CELSR2: variants seen among roughly 807,000 people sequenced by gnomAD.
The protein encoded by CELSR2 is cadherin EGF LAG seven-pass G-type receptor 2.
CELSR2 carries 81 observed loss-of-function variants against 251.6 expected under a neutral mutation model. That is an observed-to-expected ratio of 0.32 (90% confidence interval 0.27 to 0.39). CELSR2 has a LOEUF of 0.39. Ranked by LOEUF, CELSR2 falls within the 10% of genes least tolerant of loss-of-function variation. The pLI is 1.00. For missense variants in CELSR2, 3,365 were observed against 3,947.7 expected (o/e 0.85, Z 3.96); for synonymous variants, 1,721 against 1,670.5 (o/e 1.03, Z -0.74).
rs745822210 is a variant in CELSR2, at chr1:109,264,936, C to T, written c.5533C>T (p.Arg1845Cys). The part of the protein sequence containing the change: ...NPCEHQSVCT[R>C]KPSAPHGYTC... ...GTGTGAGCACCAGTCTGTGTGTACC[C>T]GCAAGCCCAGTGCCCCCCATGGCTA... Residue 1845 changes from arginine to cysteine, a missense_variant, in exon 12 of 34, where the codon CGC becomes TGC. Around this residue, in one of 5 missense-constraint regions of CELSR2, gnomAD observed 2,093 missense variants for 2,382.8 expected, o/e 0.88. Transcript: ENST00000271332. 7 of 1,614,150 alleles carry T rather than the reference C, an allele frequency of 4.3e-6. No individual in the cohort carries two copies. The East Asian group carries it at 1.1e-4, about 26-fold the overall frequency.
Position 109,270,045 on chromosome 1 carries a change from A to G in CELSR2, c.7220A>G (p.Asn2407Ser), listed in dbSNP as rs1444571238. 5.6e-6 allele frequency: 9 copies of G among 1,613,528 alleles called. No individual in the cohort carries two copies. The highest frequency in any genetic ancestry group is 3.3e-4 in the Middle Eastern group (2 of 6,080). Residue 2407 changes from asparagine to serine, a missense_variant, in exon 23 of 34, where the codon AAC becomes AGC. Coordinates refer to ENST00000271332, the MANE Select transcript of CELSR2 (RefSeq NM_001408.3). Reference sequence around the variant, plus strand: ...ACTCTCTTGCGTATCCTGCGCTCCAACCAACACGGCATCCGACGTAACCTG... The same window carrying G: ...ACTCTCTTGCGTATCCTGCGCTCCAGCCAACACGGCATCCGACGTAACCTG... ...FLTLLRILRS[N>S]QHGIRRNLTA...
rs143134819 is a variant in CELSR2 at position 109,270,991 on chromosome 1, T to C, written c.7548T>C (p.Tyr2516=). The C allele has an allele frequency of 6.1e-5, 99 of 1,613,658 alleles. No homozygotes were observed. In the African/African-American group the frequency reaches 1.3e-3, roughly 21 times the overall value. The change falls in exon 25 of 34, where the codon TAT becomes TAC. Residue 2516 remains tyrosine, a synonymous_variant. Coordinates refer to ENST00000271332, the MANE Select transcript of CELSR2 (RefSeq NM_001408.3). ...CTGACTTCTGCTGGCTCTCCATCTA[T>C]GACACGCTCATCTGGAGTTTTGCTG... ...GNPDFCWLSI[Y]DTLIWSFAGP...
intron 1 of CELSR2, among the ~76,000 whole-genome samples, chr1:109,254,343 T>C (rs1655786736): frequency 6.6e-6 from 1 of 152,184 alleles, no homozygotes; most frequent in Non-Finnish European, 1.5e-5. Context: ...GAACCCAGGC[T>C]GGGGCATTCC....
In CELSR2 at chr1:109,251,273, G is replaced by A. The variant is rs1012205619; in HGVS notation, c.1194G>A (p.Gln398=). 1 of 1,614,158 alleles carries A rather than the reference G, an allele frequency of 6.2e-7. No individual in the cohort carries two copies. The highest frequency in any genetic ancestry group is 8.5e-7 in the Non-Finnish European group (1 of 1,180,024). Reference sequence around the variant, plus strand: ...AGGATGACAATGATAATGCCCCCCAGTTTAGTGAGAAGCGCTATGTGGTCC... The same window carrying A: ...AGGATGACAATGATAATGCCCCCCAATTTAGTGAGAAGCGCTATGTGGTCC... The part of the protein sequence containing the change: ...SVEDDNDNAP[Q]FSEKRYVVQV... Residue 398 remains glutamine, a synonymous_variant, in exon 1 of 34, where the codon CAG becomes CAA. Transcript: ENST00000271332. The surrounding 1 kb of genome is among the most constrained non-coding windows in gnomAD (Gnocchi z 4.9).
At chr1:109,254,204 C>T (rs1007106383) in intron 1 of CELSR2, among the ~76,000 whole-genome samples, 11 of 152,224 alleles carry the variant, frequency 7.2e-5, no homozygotes, top group African/African-American at 2.7e-4. Flanking sequence ...TAGCTGTGAC[C>T]AGCCCAAGCT....
In CELSR2 at chr1:109,271,051, C is replaced by T. The variant is rs1656356649; in HGVS notation, c.7596+12C>T. The T allele has an allele frequency of 6.2e-7, 1 of 1,606,612 alleles. No homozygotes were observed. Among genetic ancestry groups the T allele is most frequent in the Admixed American group, 1.7e-5 (1 of 59,892 alleles). ...CCTTTGCCGTCTCGGTGAGTGCTAG[C>T]AGGTGGGTTGGGTGTCACCTGTGGC... On this transcript the variant is annotated intron_variant, in intron 25 of 33. Coordinates refer to ENST00000271332, the MANE Select transcript of CELSR2 (RefSeq NM_001408.3).
rs549825851 is a variant in CELSR2 at position 109,249,551 on chromosome 1, C to G, written c.-529C>G. Among the ~76,000 whole-genome samples the G allele has an allele frequency of 6.6e-6, 1 of 150,514 alleles. No individual in the cohort carries two copies. Among genetic ancestry groups the G allele is most frequent in the Non-Finnish European group, 1.5e-5 (1 of 67,526 alleles). ...CCGCCGCGACTCTGCAGAGCTCGCC[C>G]GCCCGCCGGGGAGGCGAGGGAGCGC... On this transcript the variant is annotated 5_prime_UTR_variant, in exon 1 of 34. Coordinates refer to ENST00000271332, the MANE Select transcript of CELSR2 (RefSeq NM_001408.3).
Position 109,273,437 on chromosome 1 carries a change from C to T in CELSR2, c.8511C>T (p.Gly2837=). The change falls in exon 33 of 34, where the codon GGC becomes GGT. Residue 2837 remains glycine, a splice_region_variant and synonymous_variant. Transcript: ENST00000271332. ...LPGSSAQPHK[G]ILKKKCLPTI... ...TCACAGCCCCGCCCCGGCCCACAGGCATCCTTAAGAAGAAGTGTCTGCCCA... is the reference window on the plus strand; with the variant it reads ...TCACAGCCCCGCCCCGGCCCACAGGTATCCTTAAGAAGAAGTGTCTGCCCA... 1 of 1,611,424 alleles carries T rather than the reference C, an allele frequency of 6.2e-7. No individual in the cohort carries two copies. Among genetic ancestry groups the T allele is most frequent in the Middle Eastern group, 1.6e-4 (1 of 6,062 alleles).
Position 109,272,269 on chromosome 1 carries a change from C to T in CELSR2, c.7927-9C>T, listed in dbSNP as rs372840765. 11 of 1,573,698 alleles carry T rather than the reference C, an allele frequency of 7.0e-6. No homozygotes were observed. The highest frequency in any genetic ancestry group is 1.4e-5 in the African/African-American group (1 of 73,782). On this transcript the variant is annotated splice_polypyrimidine_tract_variant and intron_variant, in intron 28 of 33. Transcript: ENST00000271332. ...TCCCCACTTACTGACCTCTCTGTTC[C>T]CTGCCTAGTCCTACAACTGCCCCAG...
intron 1 of CELSR2, among the ~76,000 whole-genome samples, chr1:109,257,344 G>C (rs1198407142): frequency 7.3e-6 from 1 of 136,730 alleles, no homozygotes; most frequent in Non-Finnish European, 1.5e-5. Flanking sequence ...CAGAGAGTCT[G>C]TCTCTTAAAA....
chr1:109,263,805 G>C, intron 9 of CELSR2, 28 bp downstream of exon 9: 2 of 1,606,802 alleles, frequency 1.2e-6, no homozygotes, highest in Non-Finnish European at 1.7e-6. Context: ...GGCTGGCCCT[G>C]GCCTGGCCAT....
At position 109,262,909 on chromosome 1, in the gene CELSR2, C is replaced by T; in HGVS notation, c.4648C>T (p.Gln1550Ter). ...GTTCGTGGGCTGCATGCGGAACCTG[C>T]AGGTGGACAGCCGGCACATAGACAT... ...RQFVGCMRNLQVDSRHIDMAD... is the reference protein window; with the variant it reads ...RQFVGCMRNL The change falls in exon 7 of 34, where the codon CAG becomes TAG. Residue 1550 changes from glutamine to a stop codon, truncating the protein, a stop_gained. Coordinates refer to ENST00000271332, the MANE Select transcript of CELSR2 (RefSeq NM_001408.3). LOFTEE classifies it high-confidence loss of function. 1 of 1,613,830 alleles carries T rather than the reference C, an allele frequency of 6.2e-7. No homozygotes were observed. The highest frequency in any genetic ancestry group is 8.5e-7 in the Non-Finnish European group (1 of 1,180,002).
chr1:109,268,647 C>G lies in CELSR2; in HGVS notation c.6385C>G (p.Gln2129Glu). Residue 2129 changes from glutamine (Q) to glutamate (E), a missense_variant, in exon 18 of 34, where the codon CAG becomes GAG. Physicochemically the swap from Gln to Glu is conservative, Grantham distance 29. Around this residue, in one of 5 missense-constraint regions of CELSR2, gnomAD observed 2,093 missense variants for 2,382.8 expected, o/e 0.88. Coordinates refer to ENST00000271332, the MANE Select transcript of CELSR2 (RefSeq NM_001408.3). ...ANKRHWELIQ[Q>E]TEGGTAWLLQ... ...CAAGCGGCACTGGGAGCTGATCCAG[C>G]AGACAGAGGGTGGCACCGCCTGGCT... 1.2e-6 allele frequency: 2 copies of G among 1,614,026 alleles called. No individual in the cohort carries two copies. Among genetic ancestry groups the G allele is most frequent in the Non-Finnish European group, 8.5e-7 (1 of 1,179,986 alleles).
Position 109,261,501 on chromosome 1 carries a change from A to G in CELSR2, c.4182-12A>G. 1 of 1,612,138 alleles carries G rather than the reference A, an allele frequency of 6.2e-7. No homozygotes were observed. Among genetic ancestry groups the G allele is most frequent in the Non-Finnish European group, 8.5e-7 (1 of 1,178,412 alleles). On this transcript the variant is annotated splice_polypyrimidine_tract_variant and intron_variant, in intron 3 of 33. Transcript: ENST00000271332. This position sits in a 1 kb window ranked among gnomAD's most constrained non-coding sequence, Gnocchi z 4.8. ...ACCCCATTCCCTGCCCCCATCCCCAACTCCTGTTCAGGTTTGCCACAAAGG... is the reference window on the plus strand; with the variant it reads ...ACCCCATTCCCTGCCCCCATCCCCAGCTCCTGTTCAGGTTTGCCACAAAGG...
chr1:109,271,123 T>A, intron 25 of CELSR2, 84 bp downstream of exon 25: 2 of 1,520,682 alleles, frequency 1.3e-6, no homozygotes, highest in Middle Eastern at 1.7e-4. Context: ...TCCTCAGGAC[T>A]CCCTTTAGGA....
chr1:109,271,664 C>A lies in CELSR2; in HGVS notation c.7868C>A (p.Ala2623Asp). The A allele has an allele frequency of 6.2e-7, 1 of 1,614,018 alleles. No individual in the cohort carries two copies. The highest frequency in any genetic ancestry group is 8.5e-7 in the Non-Finnish European group (1 of 1,180,040). Residue 2623 changes from alanine (A) to aspartate (D), a missense_variant, in exon 28 of 34, where the codon GCC (alanine) becomes GAC (aspartate). By Grantham distance (126) the Ala-to-Asp change is moderately radical (BLOSUM62 -2). Transcript: ENST00000271332. ...GAGGTCCGGAAAGCACTCAAGCTTG[C>A]CTGCAGCCGCAAGCCCAGCCCTGAC... ...SKEVRKALKL[A>D]CSRKPSPDPA...
chr1:109,257,213 C>T (rs1196331512), intron 1 of CELSR2, among the ~76,000 whole-genome samples: 1 of 152,080 alleles, frequency 6.6e-6, no homozygotes, highest in African/African-American at 2.4e-5. Context: ...ATTAGCCAGG[C>T]ATAGTTGTGA....
At chr1:109,263,822 C>A in intron 9 of CELSR2, 45 bp downstream of exon 9, 1 of 1,591,554 alleles carries the variant, frequency 6.3e-7, no homozygotes, top group Non-Finnish European at 8.5e-7. Flanking sequence ...CCATAGGGCC[C>A]TGGTAGCCTC....
Position 109,250,630 on chromosome 1 carries a change from C to T in CELSR2, c.551C>T (p.Pro184Leu). 1.2e-6 allele frequency: 2 copies of T among 1,614,018 alleles called. No individual in the cohort carries two copies. The change falls in exon 1 of 34, where the codon CCC (proline) becomes CTC (leucine). Residue 184 changes from proline to leucine, a missense_variant. This residue lies in a region of CELSR2 where 704 missense variants were observed against 784.1 expected (regional missense o/e 0.90). Coordinates refer to ENST00000271332, the MANE Select transcript of CELSR2 (RefSeq NM_001408.3). This position sits in a 1 kb window ranked among gnomAD's most constrained non-coding sequence, Gnocchi z 4.4. ...NVNTAPQFQPPSYQATVPENQ... is the reference protein window; with the variant it reads ...NVNTAPQFQPLSYQATVPENQ... ...AATACAGCCCCCCAGTTCCAGCCCC[C>T]CAGCTACCAGGCCACAGTGCCGGAG...
Sources: allele counts gnomAD v4.1 joint callset (sites outside exome capture counted in the v4.1 genomes callset), GRCh38; gene constraint gnomAD v4.1.1; regional missense constraint gnomAD v4.1.1; non-coding constraint Gnocchi (gnomAD v3.1); transcripts MANE v1.5; gene names NCBI Gene and HGNC (gene_info 2026-07-23, HGNC 2026-07-21).